HCN1: variants seen among roughly 807,000 people sequenced by gnomAD.
The protein encoded by HCN1 is hyperpolarization activated cyclic nucleotide gated potassium channel 1.
Under a neutral mutation model 78.9 loss-of-function variants are expected in HCN1, and 13 were observed. The observed-to-expected ratio is 0.16, with a 90% CI of 0.11 to 0.26. HCN1 has a LOEUF of 0.26. Among genes scored for constraint, HCN1 ranks in the 10% least tolerant of loss-of-function variants. HCN1 has a pLI of 1.00. For missense variants in HCN1, 810 were observed against 1,154.3 expected (o/e 0.70, Z 4.32); for synonymous variants, 552 against 455.5 (o/e 1.21, Z -2.70).
At chr5:45,526,889 C>T (rs955420644) in intron 2 of HCN1, among the ~76,000 whole-genome samples, 3 of 151,854 alleles carry the variant, frequency 2.0e-5, no homozygotes, top group Non-Finnish European at 2.9e-5. Flanking sequence ...ATTACCCCTG[C>T]CACACAGAGG....
At chr5:45,294,972 T>C (rs1745459573) in intron 6 of HCN1, among the ~76,000 whole-genome samples, 1 of 152,074 alleles carries the variant, frequency 6.6e-6, no homozygotes, top group Admixed American at 6.6e-5. Context: ...AGACTCATTT[T>C]CCTCATATTT....
intron 2 of HCN1, among the ~76,000 whole-genome samples, chr5:45,495,715 C>G (rs1005440077): frequency 6.6e-6 from 1 of 152,124 alleles, no homozygotes; most frequent in African/African-American, 2.4e-5. Flanking sequence ...TTTGCCCATT[C>G]ACTATGATAT....
intron 3 of HCN1, 65 bp downstream of exon 3, chr5:45,461,781 A>T: frequency 7.5e-7 from 1 of 1,337,176 alleles, no homozygotes; most frequent in Non-Finnish European, 1.1e-6. Context: ...ATTGTAACAT[A>T]ATTACTTAAA....
intron 7 of HCN1, among the ~76,000 whole-genome samples, chr5:45,264,844 A>C (rs1358156509): frequency 6.6e-6 from 1 of 152,220 alleles, no homozygotes; most frequent in East Asian, 1.9e-4. Flanking sequence ...TGCCTATTAG[A>C]AATTGCATTG....
intron 3 of HCN1, among the ~76,000 whole-genome samples, chr5:45,397,657 T>C (rs533655037): frequency 6.6e-6 from 1 of 151,776 alleles, no homozygotes; most frequent in East Asian, 1.9e-4. Flanking sequence ...TAATAAAATA[T>C]AAAGATTTTT....
intron 2 of HCN1, among the ~76,000 whole-genome samples, chr5:45,592,098 C>T (rs528861889): frequency 6.6e-6 from 1 of 152,048 alleles, no homozygotes; most frequent in East Asian, 1.9e-4. Flanking sequence ...TCAAAAATTA[C>T]TTGACTCTAT....
At chr5:45,635,545 C>T (rs1013751169) in intron 2 of HCN1, among the ~76,000 whole-genome samples, 1 of 152,078 alleles carries the variant, frequency 6.6e-6, no homozygotes, top group Non-Finnish European at 1.5e-5. Flanking sequence ...CCTTACTCAA[C>T]GTCTACTTTC....
At chr5:45,376,426 G>A (rs929795972) in intron 4 of HCN1, among the ~76,000 whole-genome samples, 2 of 147,552 alleles carry the variant, frequency 1.4e-5, no homozygotes, top group East Asian at 3.9e-4. Flanking sequence ...CTAGAAGATG[G>A]CCTTTAACGA....
At chr5:45,687,543 T>C (rs969956444) in intron 1 of HCN1, among the ~76,000 whole-genome samples, 9 of 152,212 alleles carry the variant, frequency 5.9e-5, no homozygotes, top group African/African-American at 2.2e-4. Context: ...ACTATTTTTT[T>C]CATAGCAACG....
intron 2 of HCN1, among the ~76,000 whole-genome samples, chr5:45,509,738 G>T (rs965124990): frequency 1.3e-5 from 2 of 152,050 alleles, no homozygotes; most frequent in Non-Finnish European, 2.9e-5. Context: ...TATTTTCAAG[G>T]AATTTTTTTT....
chr5:45,418,570 G>C (rs1740163327), intron 3 of HCN1, among the ~76,000 whole-genome samples: 1 of 151,848 alleles, frequency 6.6e-6, no homozygotes, highest in African/African-American at 2.4e-5. Context: ...GTAGAATAAA[G>C]GTCACATATT....
At chr5:45,382,982 T>G (rs34861684) in intron 4 of HCN1, among the ~76,000 whole-genome samples, 1 of 152,164 alleles carries the variant, frequency 6.6e-6, no homozygotes, top group African/African-American at 2.4e-5. Context: ...AAAATGTGAA[T>G]TAATTGAGAT....
rs1470715710 is a variant in HCN1 at position 45,696,032 on chromosome 5, A to T, written c.62T>A (p.Phe21Tyr). The T allele has an allele frequency of 3.7e-6, 5 of 1,335,104 alleles. No homozygotes were observed. Among genetic ancestry groups the T allele is most frequent in the Non-Finnish European group, 4.8e-6 (5 of 1,033,734 alleles). The allele number at this position is 1,335,104 out of a possible 1,614,324, so 82.7% of individuals were successfully genotyped here. A position where few individuals can be genotyped will look rare whatever the true frequency, so the allele number is the denominator to read the frequency against. The change falls in exon 1 of 8, where the codon TTC (phenylalanine) becomes TAC (tyrosine). Residue 21 changes from phenylalanine to tyrosine, a missense_variant. This residue lies in a region of HCN1 where 170 missense variants were observed against 166.8 expected (regional missense o/e 1.02). Coordinates refer to ENST00000303230, the MANE Select transcript of HCN1 (RefSeq NM_021072.4). ...SNSRDDGNSV[F>Y]PAKASATGAG... ...GCCCGTCGCGGACGCCTTGGCGGGG[A>T]AGACGCTGTTGCCATCGTCCCGGCT...
At position 45,283,649 on chromosome 5, in the gene HCN1, A is replaced by C. The variant is rs796135728; in HGVS notation, c.1619-16396T>G. Among the ~76,000 whole-genome samples the C allele has an allele frequency of 5.3e-5, 8 of 152,210 alleles. 1 individual carries two copies. Among genetic ancestry groups the C allele is most frequent in the African/African-American group, 1.9e-4 (8 of 41,556 alleles). On this transcript the variant is annotated intron_variant, in intron 6 of 7. Coordinates refer to ENST00000303230, the MANE Select transcript of HCN1 (RefSeq NM_021072.4). ...TAAAAAGTAAAAAAATAACAGATGC[A>C]GGTGAGGTTGCAGAGAAAAGGAAAC... is the stretch of plus-strand genomic sequence containing the variant.
chr5:45,373,036 A>C lies in HCN1; in HGVS notation c.1231-19790T>G, dbSNP rs1045616250. Among the ~76,000 whole-genome samples, 10 of 136,976 alleles carry C rather than the reference A, an allele frequency of 7.3e-5. No homozygotes were observed. The South Asian group carries it at 8.8e-4, about 12-fold the overall frequency. The allele number at this position is 136,976 out of a possible 152,430, so 89.9% of individuals were successfully genotyped here. ...AAATATATATATTTTACATATATTA[A>C]ATATATAAAATATAATATATATAAA... On this transcript the variant is annotated intron_variant, in intron 4 of 7. Coordinates refer to ENST00000303230, the MANE Select transcript of HCN1 (RefSeq NM_021072.4).
At chr5:45,670,546 C>T (rs964881453) in intron 1 of HCN1, among the ~76,000 whole-genome samples, 3 of 151,714 alleles carry the variant, frequency 2.0e-5, no homozygotes, top group Non-Finnish European at 3.0e-5. Flanking sequence ...TAATTTTGGA[C>T]CATGCATTTT....
chr5:45,418,665 G>A (rs1358325875), intron 3 of HCN1, among the ~76,000 whole-genome samples: 1 of 151,894 alleles, frequency 6.6e-6, no homozygotes. Flanking sequence ...GTCAACAGCT[G>A]AGTCCTAAGA....
At chr5:45,570,768 A>G (rs1003277774) in intron 2 of HCN1, among the ~76,000 whole-genome samples, 1 of 152,232 alleles carries the variant, frequency 6.6e-6, no homozygotes, top group Non-Finnish European at 1.5e-5. Flanking sequence ...AAGTAGATAA[A>G]TAGAGTACTA....
At chr5:45,484,521 G>A (rs1300071373) in intron 2 of HCN1, among the ~76,000 whole-genome samples, 3 of 152,086 alleles carry the variant, frequency 2.0e-5, no homozygotes, top group Admixed American at 1.3e-4. Context: ...TCAAAGAGGG[G>A]GTCCCCTTGC....
Sources: gnomAD v4.1 joint callset for allele counts (sites outside exome capture counted in the v4.1 genomes callset) on GRCh38, gnomAD v4.1.1 for gene constraint, gnomAD v4.1.1 regional missense constraint, MANE v1.5 for transcripts, NCBI Gene and HGNC (gene_info 2026-07-23, HGNC 2026-07-21) for gene names.